The following SLC7A2 variants were observed in gnomAD, a reference collection of about 807,000 sequenced individuals.
SLC7A2 encodes cationic amino acid transporter 2.
SLC7A2 carries 48 observed loss-of-function variants against 58.9 expected under a neutral mutation model. The ratio of observed to expected loss-of-function variants is 0.82; its 90% confidence interval spans 0.65 to 1.04. SLC7A2 has a LOEUF of 1.04. SLC7A2 is among the 50% of genes least tolerant of loss of function. The pLI is 0.00. For missense variants in SLC7A2, 1,029 were observed against 818.8 expected, an observed-to-expected ratio of 1.26 and a Z score of -3.13; for synonymous variants, 363 against 314.5, an observed-to-expected ratio of 1.15 and a Z score of -1.63.
chr8:17,555,667 A>G (rs1238852427), intron 8 of SLC7A2, among the ~76,000 whole-genome samples: 2 of 152,156 alleles, frequency 1.3e-5, no homozygotes, highest in Non-Finnish European at 2.9e-5. Flanking sequence ...AGTTAGGAAC[A>G]TACATATCCT....
intron 4 of SLC7A2, among the ~76,000 whole-genome samples, chr8:17,547,785 A>AGTGTGTGTGTGTGTGTGTGTGTGTGTGT: frequency 6.9e-6 from 1 of 144,710 alleles, no homozygotes. Flanking sequence ...GGCACAAAAG[A>AGTGTGTGTGTGTGTGTGTGTGTGTGTGT]GTGTGTGTGT....
At chr8:17,561,480 A>G (rs1397396889) in intron 10 of SLC7A2, among the ~76,000 whole-genome samples, 1 of 152,236 alleles carries the variant, frequency 6.6e-6, no homozygotes, top group South Asian at 2.1e-4. Context: ...GGTTCCTCCC[A>G]TAACACATGG....
At chr8:17,541,141 A>G (rs1801895161) in intron 2 of SLC7A2, among the ~76,000 whole-genome samples, 1 of 152,114 alleles carries the variant, frequency 6.6e-6, no homozygotes, top group South Asian at 2.1e-4. Context: ...ATCTTTGTAC[A>G]TCTCTGTATA....
intron 3 of SLC7A2, among the ~76,000 whole-genome samples, 192 bp downstream of exon 3, chr8:17,543,907 G>A (rs769626097): frequency 4.5e-4 from 68 of 151,852 alleles, no homozygotes; most frequent in Non-Finnish European, 8.5e-4. Context: ...TCACTCTGTC[G>A]CCCAGGCTTG....
At position 17,554,665 on chromosome 8, in the gene SLC7A2, A is replaced by G. The variant is rs933594111; in HGVS notation, c.1161A>G (p.Pro387=). ...LAQINSKTKT[P]IIATLSSGAV... ...AAATCAATTCCAAAACGAAGACACC[A>G]ATAATTGCTACTTTATCATCGGGTG... The change falls in exon 8 of 13, where the codon CCA becomes CCG. Residue 387 remains proline, a synonymous_variant. Coordinates refer to ENST00000494857, the MANE Select transcript of SLC7A2 (RefSeq NM_001370338.1). 2 of 1,613,008 alleles carry G rather than the reference A, an allele frequency of 1.2e-6. No homozygotes were observed. The highest frequency in any genetic ancestry group is 2.2e-5 in the East Asian group (1 of 44,830).
At chr8:17,564,779 G>C (rs1238505861) in intron 12 of SLC7A2, among the ~76,000 whole-genome samples, 171 bp from the exon 13 acceptor site, 2 of 152,102 alleles carry the variant, frequency 1.3e-5, no homozygotes, top group Admixed American at 6.5e-5. Context: ...TGTGTGGCCT[G>C]GTTCCTAACA....
At chr8:17,532,229 CAAAAAAAAA>C (rs534441508) in intron 2 of SLC7A2, among the ~76,000 whole-genome samples, 11,904 of 45,488 alleles carry the variant, frequency 0.26, 782 homozygotes, top group Non-Finnish European at 0.33. Flanking sequence ...GACTCTATCT[CAAAAAAAAA>C]AAAAAAAAAA....
chr8:17,527,612 G>A (rs928038991), intron 2 of SLC7A2, among the ~76,000 whole-genome samples: 4 of 152,098 alleles, frequency 2.6e-5, no homozygotes, highest in Admixed American at 6.6e-5. Flanking sequence ...GTCATTCCTT[G>A]CCTCTTCTAG....
chr8:17,547,918 CAG>C (rs1802255541), intron 4 of SLC7A2, among the ~76,000 whole-genome samples: 1 of 151,900 alleles, frequency 6.6e-6, no homozygotes, highest in Non-Finnish European at 1.5e-5. Context: ...CTTTTGCAAT[CAG>C]AATATACAGC....
At chr8:17,555,036 G>A (rs200370343) in intron 8 of SLC7A2, 2 of 1,613,906 alleles carry the variant, frequency 1.2e-6, no homozygotes, top group East Asian at 2.2e-5. Context: ...GAGTGAGTAA[G>A]AGGCAGTCAC....
Position 17,555,631 on chromosome 8 carries a change from T to C in SLC7A2, c.1195+932T>C, listed in dbSNP as rs78442976. On this transcript the variant is annotated intron_variant, in intron 8 of 12. Coordinates refer to ENST00000494857, the MANE Select transcript of SLC7A2 (RefSeq NM_001370338.1). The stretch of plus-strand genomic sequence containing the variant: ...TCCTCAGTATGGTGGGCATCCTTGC[T>C]TCCAGGGCCATCGCAGCCATCTAAC... 4.2e-3 allele frequency among the ~76,000 whole-genome samples: 645 copies of C among 152,282 alleles called. 3 individuals carry two copies. The highest frequency in any genetic ancestry group is 0.014 in the African/African-American group (583 of 41,542).
intron 2 of SLC7A2, among the ~76,000 whole-genome samples, chr8:17,521,509 A>G (rs1801014572): frequency 6.6e-6 from 1 of 152,192 alleles, no homozygotes; most frequent in Non-Finnish European, 1.5e-5. Flanking sequence ...TGTTTCATTC[A>G]CACTCATCCC....
chr8:17,532,345 C>T (rs1353889368), intron 2 of SLC7A2, among the ~76,000 whole-genome samples: 1 of 151,650 alleles, frequency 6.6e-6, no homozygotes, highest in Non-Finnish European at 1.5e-5. Flanking sequence ...TGCCTCCTGA[C>T]CCCAATCCCA....
At chr8:17,512,707 G>A (rs2150670278) in intron 2 of SLC7A2, among the ~76,000 whole-genome samples, 1 of 152,204 alleles carries the variant, frequency 6.6e-6, no homozygotes, top group South Asian at 2.1e-4. Flanking sequence ...AGCATTAAAT[G>A]CATTCACATC....
intron 2 of SLC7A2, among the ~76,000 whole-genome samples, chr8:17,506,381 C>G (rs1003162223): frequency 2.6e-5 from 4 of 152,178 alleles, no homozygotes; most frequent in Admixed American, 6.5e-5. Context: ...GGTTATATCA[C>G]TATAAAAATG....
intron 1 of SLC7A2, chr8:17,498,553 T>C (rs2517204): frequency 0.83 from 126,319 of 152,180 alleles, 52,505 homozygotes; most frequent in East Asian, 0.89. Flanking sequence ...ACTTCTTCCC[T>C]CTCCTTTTCC....
intron 2 of SLC7A2, among the ~76,000 whole-genome samples, chr8:17,503,125 G>C (rs1005494291): frequency 1.3e-5 from 2 of 151,612 alleles, no homozygotes; most frequent in Non-Finnish European, 2.9e-5. Context: ...ATCTCGGCTC[G>C]CTGCAAGCTC....
At position 17,569,532 on chromosome 8, in the gene SLC7A2, C is replaced by G. The variant is rs545582135; in HGVS notation, c.*4386C>G. 2.0e-5 allele frequency: 3 copies of G among 152,030 alleles called. 1 individual carries two copies. The highest frequency in any genetic ancestry group is 7.2e-5 in the African/African-American group (3 of 41,462). The allele number at this position is 152,030 out of a possible 1,614,324, so 9.4% of individuals were successfully genotyped here. The stretch of plus-strand genomic sequence containing the variant: ...ATAAGTTCATATAGATATGAAATTG[C>G]TTGACTTTATTGTTTTGGGGAGATT... On this transcript the variant is annotated 3_prime_UTR_variant, in exon 13 of 13. Coordinates refer to ENST00000494857, the MANE Select transcript of SLC7A2 (RefSeq NM_001370338.1).
intron 2 of SLC7A2, among the ~76,000 whole-genome samples, chr8:17,516,410 G>A (rs975547050): frequency 6.6e-6 from 1 of 152,128 alleles, no homozygotes; most frequent in Non-Finnish European, 1.5e-5. Context: ...TTTTAGCAGA[G>A]ACAGGGTTTT....
Sources: allele counts gnomAD v4.1 joint callset (sites outside exome capture counted in the v4.1 genomes callset), GRCh38; gene constraint gnomAD v4.1.1; transcripts MANE v1.5; gene names NCBI Gene and HGNC (gene_info 2026-07-23, HGNC 2026-07-21).